Variants in CTIF observed in about 807,000 individuals in gnomAD.
CTIF encodes cap binding complex dependent translation initiation factor, also known as CBP80/20-dependent translation initiation factor.
Under a neutral mutation model 66.0 loss-of-function variants are expected in CTIF, and 21 were observed. The ratio of observed to expected loss-of-function variants is 0.32; its 90% confidence interval spans 0.23 to 0.46. CTIF has a LOEUF of 0.46. CTIF is among the 20% of genes least tolerant of loss of function. The pLI is 1.00. For missense variants in CTIF, 739 were observed against 812.7 expected, an observed-to-expected ratio of 0.91 and a Z score of 1.10; for synonymous variants, 345 against 326.4, an observed-to-expected ratio of 1.06 and a Z score of -0.62.
intron 3 of CTIF, among the ~76,000 whole-genome samples, chr18:48,643,254 T>C (rs1000660402): frequency 2.6e-5 from 4 of 152,228 alleles, no homozygotes; most frequent in Non-Finnish European, 5.9e-5. Context: ...TACACATTTA[T>C]TTAACATGTA....
At chr18:48,639,853 G>A (rs374721075) in intron 3 of CTIF, among the ~76,000 whole-genome samples, 2 of 152,236 alleles carry the variant, frequency 1.3e-5, no homozygotes, top group Non-Finnish European at 2.9e-5. Flanking sequence ...GCATCTGCCC[G>A]TGGGGACACC....
intron 6 of CTIF, among the ~76,000 whole-genome samples, chr18:48,697,642 AC>A (rs1339819165): frequency 6.6e-6 from 1 of 152,022 alleles, no homozygotes; most frequent in African/African-American, 2.4e-5. Context: ...CAGGGCAGGA[AC>A]CCGGGTATCC....
At chr18:48,681,583 G>A (rs1306465346) in intron 6 of CTIF, among the ~76,000 whole-genome samples, 2 of 152,062 alleles carry the variant, frequency 1.3e-5, no homozygotes, top group Non-Finnish European at 2.9e-5. Context: ...TGATTCTCAG[G>A]GCCTATGGAA....
intron 3 of CTIF, among the ~76,000 whole-genome samples, chr18:48,655,379 C>T (rs184958743): frequency 3.3e-5 from 5 of 151,918 alleles, no homozygotes; most frequent in South Asian, 4.2e-4. Context: ...AAGCAGGTTG[C>T]AGGCTGAGAA....
chr18:48,765,452 C>A (rs1189800333), intron 9 of CTIF, among the ~76,000 whole-genome samples: 1 of 152,216 alleles, frequency 6.6e-6, no homozygotes, highest in East Asian at 1.9e-4. Context: ...TGAAGTGCCT[C>A]CTTAGCACAG....
At chr18:48,849,289 C>T (rs982265995) in intron 10 of CTIF, among the ~76,000 whole-genome samples, 5 of 146,256 alleles carry the variant, frequency 3.4e-5, no homozygotes, top group African/African-American at 1.3e-4. Context: ...CCTCTGCGAC[C>T]TGGGTTCAAG....
At chr18:48,738,170 G>C (rs2092520572) in intron 7 of CTIF, among the ~76,000 whole-genome samples, 1 of 152,154 alleles carries the variant, frequency 6.6e-6, no homozygotes, top group African/African-American at 2.4e-5. Flanking sequence ...CACCCGCAGT[G>C]GACCATCAGC....
At chr18:48,771,905 G>C (rs892496816) in intron 9 of CTIF, among the ~76,000 whole-genome samples, 1 of 152,234 alleles carries the variant, frequency 6.6e-6, no homozygotes, top group Non-Finnish European at 1.5e-5. Context: ...CAGACAGGGC[G>C]CCTCTACCTG....
In CTIF at chr18:48,725,232, C is replaced by T. The variant is rs555082745; in HGVS notation, c.584+13537C>T. Among the ~76,000 whole-genome samples, 4 of 152,132 alleles carry T rather than the reference C, an allele frequency of 2.6e-5. No homozygotes were observed. The South Asian group carries it at 8.3e-4, about 32-fold the overall frequency. On this transcript the variant is annotated intron_variant, in intron 7 of 11. Coordinates refer to ENST00000256413, the MANE Select transcript of CTIF (RefSeq NM_014772.3). ...GCAGCCACGGTGCAAAGAGGCTGGGCGGAGGCTGGGGTGAGACACTTAGAG... is the reference window on the plus strand; with the variant it reads ...GCAGCCACGGTGCAAAGAGGCTGGGTGGAGGCTGGGGTGAGACACTTAGAG...
chr18:48,629,117 G>A (rs2090655079), intron 2 of CTIF, among the ~76,000 whole-genome samples: 1 of 152,162 alleles, frequency 6.6e-6, no homozygotes, highest in South Asian at 2.1e-4. Context: ...ATTGGTGAGA[G>A]CCCTGGTTGC....
chr18:48,651,451 A>G lies in CTIF; in HGVS notation c.253-12301A>G, dbSNP rs562089313. ...ATTCAAGAAGAGCTAGCTAACCTAA[A>G]CATGTATGGCCCTAATACAGGAGCA... On this transcript the variant is annotated intron_variant, in intron 3 of 11. Transcript: ENST00000256413. Among the ~76,000 whole-genome samples, 10 of 152,324 alleles carry G rather than the reference A, an allele frequency of 6.6e-5. 1 individual carries two copies. Among genetic ancestry groups the G allele is most frequent in the African/African-American group, 2.2e-4 (9 of 41,572 alleles).
At chr18:48,751,503 C>A (rs986936446) in intron 7 of CTIF, among the ~76,000 whole-genome samples, 4 of 152,204 alleles carry the variant, frequency 2.6e-5, no homozygotes, top group African/African-American at 9.6e-5. Context: ...TACCTCCCCT[C>A]CCCAGACCAC....
At chr18:48,629,915 T>C (rs2090671942) in intron 2 of CTIF, among the ~76,000 whole-genome samples, 1 of 152,152 alleles carries the variant, frequency 6.6e-6, no homozygotes, top group African/African-American at 2.4e-5. Flanking sequence ...TTAAGAGAAG[T>C]CTTTATATAG....
At chr18:48,852,701 C>T (rs1348344806) in intron 10 of CTIF, among the ~76,000 whole-genome samples, 2 of 151,842 alleles carry the variant, frequency 1.3e-5, no homozygotes, top group Non-Finnish European at 2.9e-5. Flanking sequence ...GGGAGAGGTC[C>T]AGGTTACTTT....
In CTIF at chr18:48,761,996, T is replaced by A. The variant is rs4939561; in HGVS notation, c.1371+307T>A. The stretch of plus-strand genomic sequence containing the variant: ...GGCTGGCTCTTGGTCTCAACCTGGC[T>A]ATGTGCTTTGACCTCTCTACATCCA... On this transcript the variant is annotated intron_variant, in intron 9 of 11. Coordinates refer to ENST00000256413, the MANE Select transcript of CTIF (RefSeq NM_014772.3). This position sits in a 1 kb window ranked among gnomAD's most constrained non-coding sequence, Gnocchi z 4.2. Among the ~76,000 whole-genome samples the A allele has an allele frequency of 6.6e-6, 1 of 152,132 alleles. No individual in the cohort carries two copies. The highest frequency in any genetic ancestry group is 1.5e-5 in the Non-Finnish European group (1 of 67,998).
rs534776778 is a variant in CTIF at position 48,806,604 on chromosome 18, A to G, written c.1372-10617A>G. On this transcript the variant is annotated intron_variant, in intron 9 of 11. Transcript: ENST00000256413. ...AGGAAGTGTAAAAAATATATGCATCATAGTCCTTGTGCCTCGACTACCCCC... is the reference window on the plus strand; with the variant it reads ...AGGAAGTGTAAAAAATATATGCATCGTAGTCCTTGTGCCTCGACTACCCCC... Among the ~76,000 whole-genome samples, 5 of 152,308 alleles carry G rather than the reference A, an allele frequency of 3.3e-5. No homozygotes were observed. The South Asian group carries it at 8.3e-4, about 25-fold the overall frequency.
At chr18:48,817,159 G>A in intron 9 of CTIF, 62 bp from the exon 10 acceptor site, 1 of 1,543,278 alleles carries the variant, frequency 6.5e-7, no homozygotes, top group African/African-American at 1.4e-5. Flanking sequence ...CTGCACAGCA[G>A]GGTGGCACCC....
At chr18:48,680,019 A>G (rs910828337) in intron 6 of CTIF, among the ~76,000 whole-genome samples, 1 of 152,178 alleles carries the variant, frequency 6.6e-6, no homozygotes, top group Non-Finnish European at 1.5e-5. Context: ...GACCTGACCA[A>G]ATAGGGACTC....
chr18:48,704,482 C>T (rs1175991054), intron 6 of CTIF, among the ~76,000 whole-genome samples: 1 of 152,190 alleles, frequency 6.6e-6, no homozygotes, highest in Non-Finnish European at 1.5e-5. Context: ...CCCGGGGCCG[C>T]CATAACAAAG....
Sources: allele counts gnomAD v4.1 joint callset (sites outside exome capture counted in the v4.1 genomes callset), GRCh38; gene constraint gnomAD v4.1.1; non-coding constraint Gnocchi (gnomAD v3.1); transcripts MANE v1.5; gene names NCBI Gene and HGNC (gene_info 2026-07-23, HGNC 2026-07-21).